The following CDC42BPB variants were observed in gnomAD, a reference collection of about 807,000 sequenced individuals.
The protein encoded by CDC42BPB is serine/threonine-protein kinase MRCK beta.
In CDC42BPB, 37 loss-of-function variants were observed where a neutral mutation model predicts 214.9. The observed-to-expected ratio is 0.17, with a 90% CI of 0.13 to 0.23. The LOEUF (loss-of-function observed/expected upper bound fraction) is 0.23, where lower values mean the gene tolerates loss of function less well. Among genes scored for constraint, CDC42BPB ranks in the 10% least tolerant of loss-of-function variants. The pLI is 1.00. For missense variants in CDC42BPB, 1,694 were observed against 2,227.0 expected, an observed-to-expected ratio of 0.76 and a Z score of 4.82; for synonymous variants, 931 against 884.0, an observed-to-expected ratio of 1.05 and a Z score of -0.94.
In CDC42BPB at chr14:102,934,485, G is replaced by C. The variant is rs1420876415; in HGVS notation, c.5005-642C>G. Among the ~76,000 whole-genome samples, 4 of 152,088 alleles carry C rather than the reference G, an allele frequency of 2.6e-5. No individual in the cohort carries two copies. In the East Asian group the frequency reaches 7.8e-4, roughly 29 times the overall value. ...GGAGGCGGAGCTTGCAGTGAGCCGA[G>C]ACTGCACCACTGCACTCCAGCCTGG... On this transcript the variant is annotated intron_variant, in intron 36 of 36. Transcript: ENST00000361246.
intron 34 of CDC42BPB, among the ~76,000 whole-genome samples, 163 bp downstream of exon 34, chr14:102,939,447 C>CAG (rs1252822930): frequency 2.0e-5 from 3 of 152,254 alleles, no homozygotes; most frequent in African/African-American, 7.2e-5. Context: ...TGCTCGTGAA[C>CAG]AGAGCTTCAG....
intron 1 of CDC42BPB, among the ~76,000 whole-genome samples, chr14:103,047,226 G>T (rs544652871): frequency 6.8e-6 from 1 of 147,540 alleles, no homozygotes; most frequent in South Asian, 2.2e-4. Context: ...GGAGGTTCCT[G>T]TGAGCTCAGA....
intron 17 of CDC42BPB, 75 bp from the exon 18 acceptor site, chr14:102,966,462 C>T (rs1453537954): frequency 6.3e-7 from 1 of 1,576,382 alleles, no homozygotes; most frequent in African/African-American, 1.4e-5. Flanking sequence ...GGGGACGTTC[C>T]CGCCTTCCTC....
At chr14:102,997,042 C>T (rs1044035257) in intron 5 of CDC42BPB, among the ~76,000 whole-genome samples, 5 of 152,098 alleles carry the variant, frequency 3.3e-5, no homozygotes, top group African/African-American at 4.8e-5. Context: ...CCTCTAGCAA[C>T]GAAGCAGCAC....
rs75135183 is a variant in CDC42BPB at position 103,052,783 on chromosome 14, G to C, written c.175+4216C>G. Among the ~76,000 whole-genome samples the C allele has an allele frequency of 7.2e-3, 1,099 of 152,338 alleles. 23 individuals carry two copies. The highest frequency in any genetic ancestry group is 0.025 in the African/African-American group (1,043 of 41,574). ...CTCCTGGTCTGACGGCCACACAGCA[G>C]CCAGGGCAGAGGACCACTGTGGCCT... On this transcript the variant is annotated intron_variant, in intron 1 of 36. Coordinates refer to ENST00000361246, the MANE Select transcript of CDC42BPB (RefSeq NM_006035.4).
intron 1 of CDC42BPB, among the ~76,000 whole-genome samples, chr14:103,012,580 G>A (rs1886218788): frequency 6.6e-6 from 1 of 152,180 alleles, no homozygotes; most frequent in Non-Finnish European, 1.5e-5. Flanking sequence ...TGAGGCAGGA[G>A]GATCACCTGA....
intron 9 of CDC42BPB, among the ~76,000 whole-genome samples, chr14:102,976,603 T>C (rs969266822): frequency 5.9e-5 from 9 of 152,244 alleles, no homozygotes; most frequent in Non-Finnish European, 2.9e-5. Context: ...TCTCATTTAA[T>C]AGCTTAATTC....
chr14:102,954,599 C>T lies in CDC42BPB; in HGVS notation c.2988+3G>A, dbSNP rs1892633432. 6.2e-7 allele frequency: 1 copy of T among 1,612,392 alleles called. No homozygotes were observed. The highest frequency in any genetic ancestry group is 8.5e-7 in the Non-Finnish European group (1 of 1,178,698). ...GAGCATCACCAGGGCAACGCTGTCT[C>T]ACCTCCTGCTGCTCTGATGCAGCCA... On this transcript the variant is annotated splice_donor_region_variant and intron_variant, in intron 22 of 36. Coordinates refer to ENST00000361246, the MANE Select transcript of CDC42BPB (RefSeq NM_006035.4).
In CDC42BPB at chr14:102,943,820, AAATCG is replaced by A; in HGVS notation, c.4408+66_4408+70del. 6.9e-7 allele frequency: 1 copy of A among 1,440,322 alleles called. No homozygotes were observed. The highest frequency in any genetic ancestry group is 9.4e-7 in the Non-Finnish European group (1 of 1,065,300). The allele number at this position is 1,440,322 out of a possible 1,614,324, so 89.2% of individuals were successfully genotyped here. A position where few individuals can be genotyped will look rare whatever the true frequency, so the allele number is the denominator to read the frequency against. On this transcript the variant is annotated intron_variant, in intron 30 of 36. Coordinates refer to ENST00000361246, the MANE Select transcript of CDC42BPB (RefSeq NM_006035.4). This position sits in a 1 kb window ranked among gnomAD's most constrained non-coding sequence, Gnocchi z 4.6. ...AGGGACTGGAAGACAAACCAAAGCA[AAATCG>A]AACACATGCTGACTGTCGGTGGGAA... is the stretch of plus-strand genomic sequence containing the variant.
intron 5 of CDC42BPB, 83 bp downstream of exon 5, chr14:102,999,482 G>A: frequency 4.2e-6 from 6 of 1,426,834 alleles, no homozygotes; most frequent in Non-Finnish European, 5.9e-6. Flanking sequence ...TGGCTTCTTG[G>A]GACGGCCTGG....
chr14:102,990,657 G>C, intron 5 of CDC42BPB, among the ~76,000 whole-genome samples: 1 of 152,120 alleles, frequency 6.6e-6, no homozygotes, highest in East Asian at 1.9e-4. Context: ...CCAGCACCCA[G>C]AACTTGGTCT....
chr14:102,989,730 G>T (rs1446411638), intron 5 of CDC42BPB, among the ~76,000 whole-genome samples: 1 of 152,056 alleles, frequency 6.6e-6, no homozygotes, highest in Non-Finnish European at 1.5e-5. Flanking sequence ...AATTAGCTGG[G>T]AGTGGTGGCG....
In CDC42BPB at chr14:102,949,985, C is replaced by T. The variant is rs1595458111; in HGVS notation, c.3310-81G>A. On this transcript the variant is annotated intron_variant, in intron 25 of 36. Transcript: ENST00000361246. ...CCCCATTACACTCGTTCACAATCTC[C>T]TTCCAGCTGCCAGGCTGGCGGCAGA... 15 of 1,576,584 alleles carry T rather than the reference C, an allele frequency of 9.5e-6. No individual in the cohort carries two copies. The East Asian group carries it at 3.4e-4, about 35-fold the overall frequency.
chr14:102,953,535 G>C (rs1455882299), intron 23 of CDC42BPB, among the ~76,000 whole-genome samples: 1 of 152,238 alleles, frequency 6.6e-6, no homozygotes, highest in East Asian at 1.9e-4. Flanking sequence ...GGCAGAGGCC[G>C]TGTCTACATT....
chr14:102,963,697 G>A (rs1893059204), intron 19 of CDC42BPB, among the ~76,000 whole-genome samples: 1 of 152,246 alleles, frequency 6.6e-6, no homozygotes, highest in Admixed American at 6.5e-5. Context: ...CCTGCGGAGT[G>A]TGTGTAAGTG....
chr14:102,980,282 CAGG>C (rs1187845836), intron 8 of CDC42BPB, among the ~76,000 whole-genome samples: 1 of 152,170 alleles, frequency 6.6e-6, no homozygotes, highest in Non-Finnish European at 1.5e-5. Flanking sequence ...ATCATGTGGT[CAGG>C]AGATCGAGAC....
At chr14:102,996,947 G>T (rs1374482569) in intron 5 of CDC42BPB, among the ~76,000 whole-genome samples, 1 of 152,100 alleles carries the variant, frequency 6.6e-6, no homozygotes, top group South Asian at 2.1e-4. Flanking sequence ...CTGTTCTATC[G>T]GGACAGCTCC....
chr14:103,040,817 G>T (rs1191147112), intron 1 of CDC42BPB, among the ~76,000 whole-genome samples: 1 of 152,194 alleles, frequency 6.6e-6, no homozygotes, highest in Admixed American at 6.5e-5. Flanking sequence ...CGTGGGACAA[G>T]AGACTTTAAT....
chr14:103,010,595 G>A (rs1886099085), intron 2 of CDC42BPB, among the ~76,000 whole-genome samples: 1 of 152,212 alleles, frequency 6.6e-6, no homozygotes, highest in South Asian at 2.1e-4. Context: ...GTTTGCTGTG[G>A]GCAGAGCACA....
Sources: allele counts gnomAD v4.1 joint callset (sites outside exome capture counted in the v4.1 genomes callset), GRCh38; gene constraint gnomAD v4.1.1; non-coding constraint Gnocchi (gnomAD v3.1); transcripts MANE v1.5; gene names NCBI Gene and HGNC (gene_info 2026-07-23, HGNC 2026-07-21).